Variants in KAT2B observed in about 807,000 individuals in gnomAD.
KAT2B encodes the protein lysine acetyltransferase 2B.
KAT2B carries 36 observed loss-of-function variants against 105.9 expected under a neutral mutation model. The observed-to-expected ratio is 0.34, with a 90% CI of 0.26 to 0.45. KAT2B has a LOEUF of 0.45. Among genes scored for constraint, KAT2B ranks in the 20% least tolerant of loss-of-function variants. The probability of loss-of-function intolerance (pLI) is 1.00; values close to 1 mark genes in which losing one functional copy is unlikely to be tolerated. For missense variants in KAT2B, 820 were observed against 1,021.6 expected (o/e 0.80, Z 2.69); for synonymous variants, 397 against 377.9 (o/e 1.05, Z -0.59).
Position 20,127,425 on chromosome 3 carries a change from A to G in KAT2B, c.1625A>G (p.Lys542Arg), listed in dbSNP as rs1332279051. Residue 542 changes from lysine (K) to arginine (R), a missense_variant and splice_region_variant, in exon 11 of 18, where the codon AAA becomes AGA. This residue lies in a region of KAT2B where 225 missense variants were observed against 268.1 expected (regional missense o/e 0.84). Coordinates refer to ENST00000263754, the MANE Select transcript of KAT2B (RefSeq NM_003884.5). ...TTGACATAATCTTATTCTTTCAGGA[A>G]ACACAAAACCCTTGCTTTAATTAAA... is the stretch of plus-strand genomic sequence containing the variant. ...EYITRLVFDP[K>R]HKTLALIKDG... 2.5e-6 allele frequency: 4 copies of G among 1,612,742 alleles called. No individual in the cohort carries two copies. The East Asian group carries it at 8.9e-5, about 36-fold the overall frequency.
chr3:20,059,627 C>T (rs1172979513), intron 1 of KAT2B, among the ~76,000 whole-genome samples: 1 of 151,964 alleles, frequency 6.6e-6, no homozygotes, highest in East Asian at 1.9e-4. Flanking sequence ...ATGGCGTGAA[C>T]CTGGGAGGTG....
At chr3:20,151,077 T>A (rs949381208) in intron 17 of KAT2B, among the ~76,000 whole-genome samples, 1 of 152,172 alleles carries the variant, frequency 6.6e-6, no homozygotes, top group Non-Finnish European at 1.5e-5. Flanking sequence ...GGATGGGACA[T>A]TTAGTGTGAG....
chr3:20,146,798 A>G (rs1396476065), intron 14 of KAT2B, among the ~76,000 whole-genome samples: 1 of 152,242 alleles, frequency 6.6e-6, no homozygotes, highest in Non-Finnish European at 1.5e-5. Flanking sequence ...TAAAGGGCAC[A>G]TAGCCAGTAA....
chr3:20,100,415 A>C (rs961461651), intron 4 of KAT2B, among the ~76,000 whole-genome samples: 27 of 152,224 alleles, frequency 1.8e-4, no homozygotes, highest in Non-Finnish European at 3.4e-4. Flanking sequence ...ACTTCCTGCT[A>C]CATTATGATT....
intron 1 of KAT2B, among the ~76,000 whole-genome samples, chr3:20,055,891 T>G (rs559209293): frequency 6.6e-6 from 1 of 152,332 alleles, no homozygotes; most frequent in East Asian, 1.9e-4. Context: ...CATATAAATG[T>G]TACCACATAG....
At chr3:20,101,627 C>T (rs1698913036) in intron 5 of KAT2B, among the ~76,000 whole-genome samples, 159 bp downstream of exon 5, 1 of 152,170 alleles carries the variant, frequency 6.6e-6, no homozygotes, top group Non-Finnish European at 1.5e-5. Context: ...TCCTGCTTTT[C>T]ATTGCTATCA....
chr3:20,144,510 C>T (rs534896804), intron 13 of KAT2B, among the ~76,000 whole-genome samples: 4 of 151,280 alleles, frequency 2.6e-5, no homozygotes, highest in African/African-American at 9.7e-5. Context: ...AGGATGGTCT[C>T]GATCTCCTGA....
chr3:20,119,098 C>T (rs1699261569), intron 7 of KAT2B, among the ~76,000 whole-genome samples: 1 of 151,962 alleles, frequency 6.6e-6, no homozygotes, highest in East Asian at 1.9e-4. Context: ...TGGTGGTGGT[C>T]ACCAGCTTTC....
chr3:20,067,662 T>G (rs1698245807), intron 1 of KAT2B, among the ~76,000 whole-genome samples: 1 of 152,120 alleles, frequency 6.6e-6, no homozygotes, highest in South Asian at 2.1e-4. Flanking sequence ...ATTCTTTCTT[T>G]ATTTATTTTT....
intron 17 of KAT2B, among the ~76,000 whole-genome samples, chr3:20,150,044 GAA>G (rs995760569): frequency 3.3e-5 from 5 of 152,280 alleles, no homozygotes; most frequent in African/African-American, 1.2e-4. Context: ...CCTGCTTTCT[GAA>G]AGTGTTTTGC....
chr3:20,149,549 A>G (rs1245849786), intron 17 of KAT2B, among the ~76,000 whole-genome samples: 1 of 148,998 alleles, frequency 6.7e-6, no homozygotes, highest in Non-Finnish European at 1.5e-5. Context: ...TGTGAAAAGG[A>G]AGAGTGAAAG....
intron 13 of KAT2B, among the ~76,000 whole-genome samples, 174 bp from the exon 14 acceptor site, chr3:20,146,142 A>G (rs1699779944): frequency 6.6e-6 from 1 of 152,228 alleles, no homozygotes; most frequent in Non-Finnish European, 1.5e-5. Context: ...CTAAATAGAC[A>G]TGGTATAATA....
In KAT2B at chr3:20,043,528, A is replaced by T. The variant is rs536067541; in HGVS notation, c.303+2748A>T. Among the ~76,000 whole-genome samples, 4 of 151,642 alleles carry T rather than the reference A, an allele frequency of 2.6e-5. No homozygotes were observed. In the East Asian group the frequency reaches 5.8e-4, roughly 22 times the overall value. On this transcript the variant is annotated intron_variant, in intron 1 of 17. Coordinates refer to ENST00000263754, the MANE Select transcript of KAT2B (RefSeq NM_003884.5). ...GAGGAAGTGTCAGTGGCTGCTAAGA[A>T]CTCTTGGCAGGGCAGAGTGGGGTGG...
At chr3:20,140,431 C>G in intron 13 of KAT2B, 67 bp downstream of exon 13, 1 of 1,544,020 alleles carries the variant, frequency 6.5e-7, no homozygotes. Flanking sequence ...GTTGCATTTC[C>G]TTGGGTGCTG....
intron 1 of KAT2B, among the ~76,000 whole-genome samples, chr3:20,050,207 A>G (rs1017985036): frequency 8.5e-5 from 13 of 152,082 alleles, no homozygotes; most frequent in Non-Finnish European, 1.6e-4. Context: ...CTCAAAAAAA[A>G]AAAAAAAAGA....
intron 2 of KAT2B, among the ~76,000 whole-genome samples, chr3:20,084,315 T>C (rs1319809545): frequency 1.3e-5 from 2 of 152,118 alleles, no homozygotes; most frequent in Admixed American, 6.5e-5. Context: ...CTAGGAAGCT[T>C]AACCTTTCTC....
rs1352118242 is a variant in KAT2B at position 20,152,417 on chromosome 3, C to T, written c.2391C>T (p.Thr797=). Residue 797 remains threonine, a synonymous_variant, in exon 18 of 18, where the codon ACC becomes ACT. Coordinates refer to ENST00000263754, the MANE Select transcript of KAT2B (RefSeq NM_003884.5). ...LFMADLQRVF[T]NCKEYNPPES... ...TGGCAGACTTACAGCGAGTCTTTAC[C>T]AATTGCAAAGAGTACAACCCCCCTG... 3 of 1,612,216 alleles carry T rather than the reference C, an allele frequency of 1.9e-6. No individual in the cohort carries two copies.
chr3:20,116,233 C>T (rs536980014), intron 7 of KAT2B, among the ~76,000 whole-genome samples: 2 of 152,212 alleles, frequency 1.3e-5, no homozygotes, highest in East Asian at 3.9e-4. Flanking sequence ...CTGGACATAT[C>T]CTTTGCATTG....
At chr3:20,051,826 C>T (rs1449177692) in intron 1 of KAT2B, among the ~76,000 whole-genome samples, 1 of 152,128 alleles carries the variant, frequency 6.6e-6, no homozygotes, top group Non-Finnish European at 1.5e-5. Flanking sequence ...TAGTCTTTTC[C>T]GTAATTGGTA....
Sources: allele counts gnomAD v4.1 joint callset (sites outside exome capture counted in the v4.1 genomes callset), GRCh38; gene constraint gnomAD v4.1.1; regional missense constraint gnomAD v4.1.1; transcripts MANE v1.5; gene names NCBI Gene and HGNC (gene_info 2026-07-23, HGNC 2026-07-21).